Variants in DKKL1 observed in about 807,000 individuals in gnomAD.
DKKL1 encodes dickkopf like acrosomal protein 1, also known as dickkopf-like protein 1.
DKKL1 carries 11 observed loss-of-function variants against 16.5 expected under a neutral mutation model. The ratio of observed to expected loss-of-function variants is 0.67; its 90% CI spans 0.42 to 1.10. The LOEUF (loss-of-function observed/expected upper bound fraction) is 1.10, where lower values mean the gene tolerates loss of function less well. Ranked by LOEUF, DKKL1 falls within the 50% of genes least tolerant of loss-of-function variation. The pLI, the probability that DKKL1 is intolerant of heterozygous loss-of-function variation, is 0.00. For synonymous variants in DKKL1, 119 were observed against 133.2 expected (o/e 0.89, Z 0.73); for missense variants, 320 against 308.1 (o/e 1.04, Z -0.29).
chr19:49,364,086 A>C, intron 1 of DKKL1, 78 bp downstream of exon 1: 1 of 1,578,950 alleles, frequency 6.3e-7, no homozygotes, highest in South Asian at 1.1e-5. Context: ...GCTGTGGCTT[A>C]CGCCTGCAAT....
chr19:49,364,046 T>A, intron 1 of DKKL1, 38 bp downstream of exon 1: 1 of 1,610,922 alleles, frequency 6.2e-7, no homozygotes, highest in Non-Finnish European at 8.5e-7. Context: ...TGGGCGAAAG[T>A]GAGGAAAAGA....
At chr19:49,365,375 T>C (rs1419182327) in intron 2 of DKKL1, 134 bp from the exon 3 acceptor site, 3 of 1,075,450 alleles carry the variant, frequency 2.8e-6, no homozygotes, top group African/African-American at 3.2e-5. Context: ...GCCCTAAGTA[T>C]CAGAGGGCAG....
At position 49,375,086 on chromosome 19, in the gene DKKL1, A is replaced by C; in HGVS notation, c.*58A>C. Reference sequence around the variant, plus strand: ...CCCATCAGACCCTGCCCCAAGCACCATATGGAAATAAAGTTCTTTCTTACA... The same window carrying C: ...CCCATCAGACCCTGCCCCAAGCACCCTATGGAAATAAAGTTCTTTCTTACA... On this transcript the variant is annotated 3_prime_UTR_variant, in exon 5 of 5. Coordinates refer to ENST00000221498, the MANE Select transcript of DKKL1 (RefSeq NM_014419.4). 1 of 1,498,342 alleles carries C rather than the reference A, an allele frequency of 6.7e-7. No individual in the cohort carries two copies. The highest frequency in any genetic ancestry group is 1.4e-5 in the African/African-American group (1 of 71,398). 92.8% of individuals were successfully genotyped at this position (1,498,342 alleles called of 1,614,324 possible). A position where few individuals can be genotyped will look rare whatever the true frequency, so the allele number is the denominator to read the frequency against.
chr19:49,371,744 T>C (rs1271936744), intron 4 of DKKL1, among the ~76,000 whole-genome samples: 1 of 152,150 alleles, frequency 6.6e-6, no homozygotes, highest in African/African-American at 2.4e-5. Context: ...CATTGGGTGT[T>C]TCTCCTGATG....
chr19:49,372,989 G>A (rs190463824), intron 4 of DKKL1, among the ~76,000 whole-genome samples: 41 of 150,132 alleles, frequency 2.7e-4, no homozygotes, highest in African/African-American at 8.1e-4. Context: ...CAACAAGAGC[G>A]AAACTCCATC....
intron 4 of DKKL1, among the ~76,000 whole-genome samples, chr19:49,367,335 C>T (rs1973293206): frequency 6.6e-6 from 1 of 152,080 alleles, no homozygotes; most frequent in Non-Finnish European, 1.5e-5. Context: ...TGCGCCTGGC[C>T]CAAAATGTGA....
chr19:49,366,353 T>A (rs1973249924), intron 4 of DKKL1, among the ~76,000 whole-genome samples: 2 of 152,218 alleles, frequency 1.3e-5, no homozygotes, highest in South Asian at 4.1e-4. Context: ...GCAATCCAAC[T>A]GTCAGAAATG....
At position 49,366,036 on chromosome 19, in the gene DKKL1, T is replaced by C. The variant is rs977936588; in HGVS notation, c.417+151T>C. 8.9e-6 allele frequency: 6 copies of C among 673,364 alleles called. 1 individual carries two copies. The African/African-American group carries it at 1.1e-4, about 12-fold the overall frequency. 41.7% of individuals were successfully genotyped at this position (673,364 alleles called of 1,614,324 possible). On this transcript the variant is annotated intron_variant, in intron 4 of 4. Coordinates refer to ENST00000221498, the MANE Select transcript of DKKL1 (RefSeq NM_014419.4). ...TCCGCCTCCGAAGTTCAGGCAATTC[T>C]CCTGCCTCAAGCTCCTTGGTAGCTG...
chr19:49,369,896 C>A (rs115663431), intron 4 of DKKL1: 5,255 of 152,356 alleles, frequency 0.034, 282 homozygotes, highest in African/African-American at 0.12. Flanking sequence ...TTTCAGGAGA[C>A]TCCACTGTCC....
Position 49,374,775 on chromosome 19 carries a change from T to G in DKKL1, c.476T>G (p.Phe159Cys), listed in dbSNP as rs912150907. 1.9e-6 allele frequency: 3 copies of G among 1,603,888 alleles called. No homozygotes were observed. The Admixed American group carries it at 5.1e-5, about 27-fold the overall frequency. ...LVPIQKATDS[F>C]HTELHPRVAF... is the part of the protein sequence containing the mutation. ...CCCATCCAGAAGGCCACGGACAGCT[T>G]CCACACAGAACTCCATCCCCGGGTG... The change falls in exon 5 of 5, where the codon TTC (phenylalanine) becomes TGC (cysteine). Residue 159 changes from phenylalanine to cysteine, a missense_variant. Coordinates refer to ENST00000221498, the MANE Select transcript of DKKL1 (RefSeq NM_014419.4).
chr19:49,364,895 G>C (rs1973191325), intron 2 of DKKL1, 141 bp downstream of exon 2: 1 of 1,091,524 alleles, frequency 9.2e-7, no homozygotes, highest in South Asian at 1.6e-5. Context: ...AGAGGGAAGG[G>C]ACTGGGCCCA....
At chr19:49,366,088 C>T (rs1169996310) in intron 4 of DKKL1, among the ~76,000 whole-genome samples, 1 of 152,024 alleles carries the variant, frequency 6.6e-6, no homozygotes, top group Non-Finnish European at 1.5e-5. Flanking sequence ...CCACCACGCC[C>T]GGCTAATTTT....
At chr19:49,372,256 T>C (rs1973521657) in intron 4 of DKKL1, among the ~76,000 whole-genome samples, 1 of 152,146 alleles carries the variant, frequency 6.6e-6, no homozygotes, top group African/African-American at 2.4e-5. Flanking sequence ...CTGGGCTCTA[T>C]CCACTAGAGA....
rs756347586 is a variant in DKKL1, at chr19:49,364,731, G to C, written c.160G>C (p.Gly54Arg). 22 of 1,612,592 alleles carry C rather than the reference G, an allele frequency of 1.4e-5. No individual in the cohort carries two copies. The East Asian group carries it at 4.0e-4, about 29-fold the overall frequency. The change falls in exon 2 of 5, where the codon GGC becomes CGC. Residue 54 changes from glycine to arginine, a missense_variant. Transcript: ENST00000221498. ...GLTGLQSLLQ[G>R]FSRLFLKGNL... is the part of the protein sequence containing the mutation. ...CACAGGCCTCCAGAGCCTACTCCAA[G>C]GCTTCAGCCGACTTTTCCTGAAAGT... is the stretch of plus-strand genomic sequence containing the variant.
intron 4 of DKKL1, among the ~76,000 whole-genome samples, chr19:49,374,416 CAGAG>C (rs1291786892): frequency 6.6e-6 from 1 of 152,210 alleles, no homozygotes; most frequent in Non-Finnish European, 1.5e-5. Flanking sequence ...CTCTAAACCT[CAGAG>C]AGGATTTAAT....
At chr19:49,366,897 G>T (rs535365165) in intron 4 of DKKL1, among the ~76,000 whole-genome samples, 1 of 151,816 alleles carries the variant, frequency 6.6e-6, no homozygotes, top group Non-Finnish European at 1.5e-5. Context: ...TAGTAGAGAC[G>T]GGGTTTCGCC....
upstream of DKKL1, among the ~76,000 whole-genome samples, chr19:49,362,062 T>C (rs1377919532): frequency 6.6e-6 from 1 of 151,646 alleles, no homozygotes; most frequent in Non-Finnish European, 1.5e-5. Flanking sequence ...ACACAAGGGG[T>C]CCTTCTCACT....
chr19:49,365,789 A>ACAGATGACC lies in DKKL1; in HGVS notation c.325-3_330dup. 6.2e-7 allele frequency: 1 copy of ACAGATGACC among 1,613,702 alleles called. No individual in the cohort carries two copies. Among genetic ancestry groups the ACAGATGACC allele is most frequent in the Non-Finnish European group, 8.5e-7 (1 of 1,179,780 alleles). On this transcript the variant is annotated splice_polypyrimidine_tract_variant and splice_region_variant and intron_variant, in intron 3 of 4. Transcript: ENST00000221498. ...GCTCTCACTCTCTCATCGGATCCTC[A>ACAGATGACC]CAGATGACCGACAACAAGACAGGAG... is the stretch of plus-strand genomic sequence containing the variant.
At position 49,365,486 on chromosome 19, in the gene DKKL1, ACCAGTCCCTCCTCCGGCC is replaced by A; in HGVS notation, c.184-18_184-1del. The A allele has an allele frequency of 6.3e-7, 1 of 1,578,238 alleles. No homozygotes were observed. Among genetic ancestry groups the A allele is most frequent in the Non-Finnish European group, 8.6e-7 (1 of 1,159,342 alleles). ...GAGGAGATGTGAGGTCCAGCAGCTC[ACCAGTCCCTCCTCCGGCC>A]CCAGGGTAACCTGCTTCGGGGCATA... On this transcript the variant is annotated splice_polypyrimidine_tract_variant and splice_region_variant and intron_variant, in intron 2 of 4. Transcript: ENST00000221498.
Sources: gnomAD v4.1 joint callset for allele counts (sites outside exome capture counted in the v4.1 genomes callset) on GRCh38, gnomAD v4.1.1 for gene constraint, MANE v1.5 for transcripts, NCBI Gene and HGNC (gene_info 2026-07-23, HGNC 2026-07-21) for gene names.